Variants in CNTNAP2 observed in about 807,000 individuals in gnomAD.
The protein encoded by CNTNAP2 is contactin associated protein 2, also known as contactin-associated protein-like 2.
CNTNAP2 carries 98 observed loss-of-function variants against 155.2 expected under a neutral mutation model. That is an observed-to-expected ratio of 0.63 (90% CI 0.54 to 0.75). The LOEUF (loss-of-function observed/expected upper bound fraction) is 0.75. Ranked by LOEUF, CNTNAP2 falls within the 30% of genes least tolerant of loss-of-function variation. CNTNAP2 has a pLI of 0.00. For synonymous variants in CNTNAP2, 651 were observed against 631.2 expected, an observed-to-expected ratio of 1.03 and a Z score of -0.47; for missense variants, 1,727 against 1,688.1, an observed-to-expected ratio of 1.02 and a Z score of -0.40.
chr7:146,808,019 C>T (rs552449148), intron 2 of CNTNAP2, among the ~76,000 whole-genome samples: 3 of 152,178 alleles, frequency 2.0e-5, no homozygotes, highest in South Asian at 2.1e-4. Flanking sequence ...GAGATGTCTT[C>T]GAAAATAGCA....
At chr7:147,470,954 G>A (rs1798206484) in intron 10 of CNTNAP2, among the ~76,000 whole-genome samples, 1 of 152,134 alleles carries the variant, frequency 6.6e-6, no homozygotes, top group Admixed American at 6.6e-5. Flanking sequence ...GATTGAGCCG[G>A]CAGCAAAAGA....
intron 4 of CNTNAP2, among the ~76,000 whole-genome samples, chr7:147,090,009 T>C (rs970740560): frequency 6.6e-6 from 1 of 152,190 alleles, no homozygotes; most frequent in African/African-American, 2.4e-5. Context: ...TTTATGTCTC[T>C]ACAGTTTGCT....
chr7:147,445,691 T>C (rs2116558046), intron 10 of CNTNAP2, among the ~76,000 whole-genome samples: 2 of 152,346 alleles, frequency 1.3e-5, no homozygotes, highest in South Asian at 4.1e-4. Flanking sequence ...AATTATTTTA[T>C]TCTCCTTTCA....
At chr7:146,836,373 C>T (rs1384306040) in intron 2 of CNTNAP2, among the ~76,000 whole-genome samples, 1 of 152,102 alleles carries the variant, frequency 6.6e-6, no homozygotes, top group Non-Finnish European at 1.5e-5. Flanking sequence ...TACTGCTCTT[C>T]ATACTATAAT....
intron 1 of CNTNAP2, among the ~76,000 whole-genome samples, chr7:146,662,125 T>C (rs1438665999): frequency 1.3e-5 from 2 of 152,224 alleles, no homozygotes; most frequent in Non-Finnish European, 2.9e-5. Flanking sequence ...GGAAGACAGT[T>C]CAGTTCGTTT....
chr7:147,627,359 A>T (rs1378637941), intron 12 of CNTNAP2, among the ~76,000 whole-genome samples: 7 of 152,204 alleles, frequency 4.6e-5, no homozygotes, highest in Admixed American at 4.6e-4. Context: ...AAGGTTGATT[A>T]TTAAGGTACT....
At chr7:147,817,442 A>G (rs998265153) in intron 13 of CNTNAP2, among the ~76,000 whole-genome samples, 2 of 152,138 alleles carry the variant, frequency 1.3e-5, no homozygotes, top group Non-Finnish European at 2.9e-5. Flanking sequence ...ATGATGTTAC[A>G]TGTTGCTGGG....
At chr7:148,236,521 A>G (rs1478312610) in intron 20 of CNTNAP2, among the ~76,000 whole-genome samples, 3 of 152,328 alleles carry the variant, frequency 2.0e-5, no homozygotes, top group Admixed American at 2.0e-4. Context: ...AGCAACTGAC[A>G]CACACGACCA....
At chr7:146,899,753 C>G (rs893062210) in intron 3 of CNTNAP2, among the ~76,000 whole-genome samples, 11 of 152,164 alleles carry the variant, frequency 7.2e-5, no homozygotes, top group Non-Finnish European at 1.5e-4. Flanking sequence ...TCACCAACAT[C>G]TGGAGGACCC....
intron 13 of CNTNAP2, among the ~76,000 whole-genome samples, chr7:147,743,127 A>G (rs1796980072): frequency 6.6e-6 from 1 of 152,238 alleles, no homozygotes; most frequent in Admixed American, 6.5e-5. Flanking sequence ...GGTCAAAGCC[A>G]ATAGGATAGT....
chr7:146,685,731 A>AG (rs1800586614), intron 1 of CNTNAP2, among the ~76,000 whole-genome samples: 1 of 152,134 alleles, frequency 6.6e-6, no homozygotes, highest in Non-Finnish European at 1.5e-5. Flanking sequence ...GAATTAGAAA[A>AG]AAAAAATGCT....
At position 146,741,582 on chromosome 7, in the gene CNTNAP2, C is replaced by T. The variant is rs772179607; in HGVS notation, c.98-32689C>T. On this transcript the variant is annotated intron_variant, in intron 1 of 23. Transcript: ENST00000361727. ...GAGCACAGAGAATAATAGCTGTTCCCGAAAAGACAAAGGATATGAATTTAT... is the reference window on the plus strand; with the variant it reads ...GAGCACAGAGAATAATAGCTGTTCCTGAAAAGACAAAGGATATGAATTTAT... 2.7e-4 allele frequency among the ~76,000 whole-genome samples: 41 copies of T among 151,892 alleles called. 1 individual carries two copies. Among genetic ancestry groups the T allele is most frequent in the Admixed American group, 1.2e-3 (18 of 15,252 alleles).
At chr7:147,547,633 AC>A (rs1562991098) in intron 11 of CNTNAP2, among the ~76,000 whole-genome samples, 70 of 142,490 alleles carry the variant, frequency 4.9e-4, no homozygotes, top group Middle Eastern at 3.7e-3. Context: ...TCTTCTAAAC[AC>A]ACACACACAC....
chr7:147,447,806 A>G (rs1797765720), intron 10 of CNTNAP2, among the ~76,000 whole-genome samples: 1 of 151,650 alleles, frequency 6.6e-6, no homozygotes, highest in Non-Finnish European at 1.5e-5. Flanking sequence ...TATATATAGT[A>G]TATATAGTAT....
intron 1 of CNTNAP2, among the ~76,000 whole-genome samples, chr7:146,758,419 A>C (rs1298303116): frequency 6.6e-6 from 1 of 152,028 alleles, no homozygotes; most frequent in African/African-American, 2.4e-5. Flanking sequence ...TGAGGCTTTG[A>C]TCTCCTGAGT....
Position 146,697,530 on chromosome 7 carries a change from C to A in CNTNAP2, c.98-76741C>A, listed in dbSNP as rs147040580. On this transcript the variant is annotated intron_variant, in intron 1 of 23. Coordinates refer to ENST00000361727, the MANE Select transcript of CNTNAP2 (RefSeq NM_014141.6). ...CGGGGATCATAGGCGTGAGCCACCACGCTTGGCCCTTATTTTAAATGCCTC... is the reference window on the plus strand; with the variant it reads ...CGGGGATCATAGGCGTGAGCCACCAAGCTTGGCCCTTATTTTAAATGCCTC... Among the ~76,000 whole-genome samples, 4 of 152,288 alleles carry A rather than the reference C, an allele frequency of 2.6e-5. No homozygotes were observed. In the South Asian group the frequency reaches 8.3e-4, roughly 32 times the overall value.
At chr7:146,845,875 G>T (rs1803831098) in intron 3 of CNTNAP2, among the ~76,000 whole-genome samples, 1 of 152,178 alleles carries the variant, frequency 6.6e-6, no homozygotes, top group African/African-American at 2.4e-5. Context: ...TTACCATCAT[G>T]ATGGCCTTGT....
At chr7:146,397,871 C>CTTTTTTTTTT (rs1438446898) in intron 1 of CNTNAP2, among the ~76,000 whole-genome samples, 2 of 126,916 alleles carry the variant, frequency 1.6e-5, no homozygotes, top group African/African-American at 6.8e-5. Flanking sequence ...ATTTGACAGG[C>CTTTTTTTTTT]TTTTATTTAT....
At chr7:146,231,620 A>G (rs1228906340) in intron 1 of CNTNAP2, among the ~76,000 whole-genome samples, 2 of 152,174 alleles carry the variant, frequency 1.3e-5, no homozygotes, top group African/African-American at 2.4e-5. Context: ...CTTTCTTTGT[A>G]TCCTATTTTG....
Sources: allele counts gnomAD v4.1 joint callset (sites outside exome capture counted in the v4.1 genomes callset), GRCh38; gene constraint gnomAD v4.1.1; transcripts MANE v1.5; gene names NCBI Gene and HGNC (gene_info 2026-07-23, HGNC 2026-07-21).